Variants in DDC observed in about 807,000 individuals in gnomAD.
DDC encodes the protein dopa decarboxylase.
Under a neutral mutation model 60.0 loss-of-function variants are expected in DDC, and 43 were observed. That is an observed-to-expected ratio of 0.72 (90% CI 0.56 to 0.92). The LOEUF is 0.92. Ranked by LOEUF, DDC falls within the 40% of genes least tolerant of loss-of-function variation. The pLI is 0.00. For missense variants in DDC, 573 were observed against 620.2 expected, an observed-to-expected ratio of 0.92 and a Z score of 0.81; for synonymous variants, 232 against 234.6, an observed-to-expected ratio of 0.99 and a Z score of 0.10.
In DDC at chr7:50,499,192, C is replaced by G; in HGVS notation, c.832G>C (p.Ala278Pro). 1 of 1,614,004 alleles carries G rather than the reference C, an allele frequency of 6.2e-7. No homozygotes were observed. The highest frequency in any genetic ancestry group is 2.2e-5 in the East Asian group (1 of 44,888). The stretch of plus-strand genomic sequence containing the variant: ...TGCCGGAACTCAGGGCAGATGAATG[C>G]ACTGCCTGCGTAGGCTGCATCAACG... ...LHVDAAYAGS[A>P]FICPEFRHLL... Residue 278 changes from alanine to proline, a missense_variant, in exon 8 of 15, where the codon GCA becomes CCA. Ala to Pro is a conservative substitution (Grantham distance 27). Coordinates refer to ENST00000444124, the MANE Select transcript of DDC (RefSeq NM_001082971.2).
rs1326964559 is a variant in DDC at position 50,565,268 on chromosome 7, TA to T, written c.-29+16del. The T allele has an allele frequency of 6.6e-6, 1 of 152,230 alleles. No homozygotes were observed. Among genetic ancestry groups the T allele is most frequent in the Non-Finnish European group, 1.5e-5 (1 of 68,040 alleles). 9.4% of individuals were successfully genotyped at this position (152,230 alleles called of 1,614,324 possible). A position where few individuals can be genotyped will look rare whatever the true frequency, so the allele number is the denominator to read the frequency against. The stretch of plus-strand genomic sequence containing the variant: ...TCCACTACTACAATCTGAGTAGGTA[TA>T]AAATCAGAGACTTACATGCTGGAAA... On this transcript the variant is annotated intron_variant, in intron 1 of 14. Coordinates refer to ENST00000444124, the MANE Select transcript of DDC (RefSeq NM_001082971.2).
intron 1 of DDC, among the ~76,000 whole-genome samples, chr7:50,550,396 G>A (rs915955810): frequency 1.3e-5 from 2 of 152,176 alleles, no homozygotes; most frequent in East Asian, 3.9e-4. Context: ...ATGCACTGGA[G>A]AGAAAAAATT....
chr7:50,467,451 C>T (rs546683944), intron 12 of DDC, 136 bp from the exon 13 acceptor site: 11 of 718,558 alleles, frequency 1.5e-5, no homozygotes, highest in South Asian at 1.2e-4. Context: ...GTGCTTTTAC[C>T]GTTCACTGAC....
At chr7:50,528,380 G>A in intron 5 of DDC, 100 bp from the exon 6 acceptor site, 6 of 1,490,656 alleles carry the variant, frequency 4.0e-6, no homozygotes, top group African/African-American at 1.4e-5. Context: ...CAAACACAAG[G>A]TCCCTCTTAA....
chr7:50,474,352 A>T (rs567144573), intron 11 of DDC, among the ~76,000 whole-genome samples: 3 of 152,330 alleles, frequency 2.0e-5, no homozygotes, highest in Admixed American at 6.5e-5. Context: ...CTAAAGACAG[A>T]AGGGGACAGA....
chr7:50,538,125 T>C, intron 3 of DDC, 146 bp from the exon 4 acceptor site: 1 of 1,004,904 alleles, frequency 1.0e-6, no homozygotes, highest in Non-Finnish European at 1.5e-6. Flanking sequence ...TGAAGGCTGT[T>C]TGACCTAGAA....
At chr7:50,493,296 G>A (rs1046714751) in intron 9 of DDC, among the ~76,000 whole-genome samples, 4 of 152,254 alleles carry the variant, frequency 2.6e-5, no homozygotes, top group Admixed American at 2.0e-4. Flanking sequence ...CAGGGCGCAC[G>A]AGAACCCCTC....
intron 1 of DDC, among the ~76,000 whole-genome samples, chr7:50,557,041 A>T (rs1186838067): frequency 6.6e-6 from 1 of 152,166 alleles, no homozygotes; most frequent in Non-Finnish European, 1.5e-5. Context: ...ACCTGTGTCT[A>T]GCAATTATTA....
At chr7:50,524,537 G>A (rs778701926) in intron 6 of DDC, among the ~76,000 whole-genome samples, 5 of 152,156 alleles carry the variant, frequency 3.3e-5, no homozygotes, top group East Asian at 3.8e-4. Flanking sequence ...TGTCATTGAC[G>A]AGGACATATA....
At chr7:50,507,812 ACT>A (rs2043442434) in intron 6 of DDC, among the ~76,000 whole-genome samples, 2 of 152,120 alleles carry the variant, frequency 1.3e-5, no homozygotes, top group Non-Finnish European at 2.9e-5. Flanking sequence ...TTTGCGGCTA[ACT>A]CTGCAGCAGG....
At chr7:50,548,797 T>C (rs1335899050) in intron 1 of DDC, among the ~76,000 whole-genome samples, 3 of 152,198 alleles carry the variant, frequency 2.0e-5, no homozygotes, top group Non-Finnish European at 2.9e-5. Flanking sequence ...TAGCCTTCTA[T>C]TGGAACAAGA....
At chr7:50,471,371 C>T (rs1309957862) in intron 11 of DDC, among the ~76,000 whole-genome samples, 2 of 152,152 alleles carry the variant, frequency 1.3e-5, no homozygotes, top group Non-Finnish European at 2.9e-5. Context: ...TAGAGTAAGA[C>T]TCCATCTCAA....
intron 7 of DDC, among the ~76,000 whole-genome samples, chr7:50,502,270 A>G (rs1365359171): frequency 3.9e-5 from 6 of 152,170 alleles, no homozygotes; most frequent in African/African-American, 1.4e-4. Context: ...GGCCCCAGAT[A>G]GCAGGAAGGC....
chr7:50,487,799 T>C (rs1298652276), intron 9 of DDC, among the ~76,000 whole-genome samples: 1 of 152,174 alleles, frequency 6.6e-6, no homozygotes, highest in Non-Finnish European at 1.5e-5. Context: ...TTAGAAAGTC[T>C]TAAGTACTGT....
chr7:50,536,388 G>A (rs539115119), intron 4 of DDC, among the ~76,000 whole-genome samples: 28 of 152,302 alleles, frequency 1.8e-4, no homozygotes, highest in Middle Eastern at 6.8e-3. Context: ...AGGATCTCTT[G>A]AGGCTGTATC....
rs138687055 is a variant in DDC, at chr7:50,540,191, A to G, written c.202-163T>C. ...GTCAGCCATCCCATTACCTTCCTCC[A>G]TTATTTCGGAGCATTTACACATCAC... On this transcript the variant is annotated intron_variant, in intron 2 of 14. Coordinates refer to ENST00000444124, the MANE Select transcript of DDC (RefSeq NM_001082971.2). The G allele has an allele frequency of 1.2e-4, 82 of 670,612 alleles. No homozygotes were observed. The East Asian group carries it at 2.3e-3, about 19-fold the overall frequency. 41.5% of individuals were successfully genotyped at this position (670,612 alleles called of 1,614,324 possible).
intron 6 of DDC, among the ~76,000 whole-genome samples, chr7:50,513,192 C>G (rs1483703156): frequency 6.6e-6 from 1 of 152,216 alleles, no homozygotes; most frequent in Non-Finnish European, 1.5e-5. Flanking sequence ...GGAGACCCTC[C>G]TCTCCTGAAC....
intron 6 of DDC, among the ~76,000 whole-genome samples, chr7:50,510,597 T>C (rs2153541874): frequency 6.9e-6 from 1 of 145,056 alleles, no homozygotes; most frequent in Middle Eastern, 3.8e-3. Flanking sequence ...TGAACCTAAG[T>C]AGCAGTGGTT....
At chr7:50,541,396 G>C (rs1327903921) in intron 2 of DDC, 1 of 152,276 alleles carries the variant, frequency 6.6e-6, no homozygotes, top group Non-Finnish European at 1.5e-5. Flanking sequence ...GGGCTTGGCT[G>C]CTCTGCTCTG....
Sources: gnomAD v4.1 joint callset for allele counts (sites outside exome capture counted in the v4.1 genomes callset) on GRCh38, gnomAD v4.1.1 for gene constraint, MANE v1.5 for transcripts, NCBI Gene and HGNC (gene_info 2026-07-23, HGNC 2026-07-21) for gene names.